PON3: variants seen among roughly 807,000 people sequenced by gnomAD.
The protein encoded by PON3 is serum paraoxonase/lactonase 3.
Under a neutral mutation model 36.3 loss-of-function variants are expected in PON3, and 37 were observed. That is an observed-to-expected ratio of 1.02 (90% CI 0.78 to 1.34). The LOEUF (loss-of-function observed/expected upper bound fraction) is 1.34. Among genes scored for constraint, PON3 ranks in the 40% most tolerant of loss-of-function variants. The pLI is 0.00. For synonymous variants in PON3, 155 were observed against 154.8 expected, an observed-to-expected ratio of 1.00 and a Z score of -0.01; for missense variants, 415 against 426.5, an observed-to-expected ratio of 0.97 and a Z score of 0.24.
chr7:95,387,878 G>C (rs1245310845), intron 3 of PON3, among the ~76,000 whole-genome samples: 2 of 152,120 alleles, frequency 1.3e-5, no homozygotes, highest in African/African-American at 4.8e-5. Context: ...AACAAGCAAT[G>C]GGAAAATGAT....
At position 95,359,935 on chromosome 7, in the gene PON3, T is replaced by C; in HGVS notation, c.*38A>G. ...CAATTATCAGTTTACTTTTACAAAA[T>C]ATGTAGACTTTTTTTTTTTTTTTTT... On this transcript the variant is annotated 3_prime_UTR_variant, in exon 9 of 9. Coordinates refer to ENST00000265627, the MANE Select transcript of PON3 (RefSeq NM_000940.3). 6.3e-7 allele frequency: 1 copy of C among 1,576,514 alleles called. No homozygotes were observed.
In PON3 at chr7:95,394,877, TG is replaced by T. The variant is rs17885341; in HGVS notation, c.75-164del. On this transcript the variant is annotated intron_variant, in intron 1 of 8. Transcript: ENST00000265627. ...CTTCCTTTCATGTTTATTTACATAA[TG>T]TAGACATTATGTGGGTATTTTACCT... The T allele has an allele frequency of 0.058, 39,801 of 687,900 alleles. 1,780 individuals carry two copies. The highest frequency in any genetic ancestry group is 0.19 in the African/African-American group (10,479 of 56,618). 42.6% of individuals were successfully genotyped at this position (687,900 alleles called of 1,614,324 possible).
chr7:95,378,669 A>AGGAGAAAT (rs1174904438), intron 3 of PON3, among the ~76,000 whole-genome samples: 1 of 152,220 alleles, frequency 6.6e-6, no homozygotes, highest in Admixed American at 6.5e-5. Flanking sequence ...TCATAAGTGA[A>AGGAGAAAT]GGAGAAATAA....
intron 2 of PON3, among the ~76,000 whole-genome samples, chr7:95,390,784 T>A (rs1809301228): frequency 6.6e-6 from 1 of 152,156 alleles, no homozygotes; most frequent in East Asian, 1.9e-4. Context: ...TAAGAGCTAG[T>A]TTTCAGCATT....
At chr7:95,383,333 G>C (rs1809108213) in intron 3 of PON3, among the ~76,000 whole-genome samples, 2 of 152,174 alleles carry the variant, frequency 1.3e-5, no homozygotes, top group African/African-American at 4.8e-5. Context: ...ATTCTACATA[G>C]TGTTGGAAGT....
chr7:95,386,829 A>G lies in PON3; in HGVS notation c.201+3325T>C, dbSNP rs138553991. ...ATCCCAGAGATGCAAGGCTGGTTCA[A>G]CATACACAAATCAATAAATGTAATC... On this transcript the variant is annotated intron_variant, in intron 3 of 8. Coordinates refer to ENST00000265627, the MANE Select transcript of PON3 (RefSeq NM_000940.3). 4.6e-3 allele frequency among the ~76,000 whole-genome samples: 697 copies of G among 152,320 alleles called. 6 individuals are homozygous for G. Among genetic ancestry groups the G allele is most frequent in the African/African-American group, 0.015 (628 of 41,562 alleles).
At chr7:95,394,884 A>C (rs570213171) in intron 1 of PON3, 170 bp from the exon 2 acceptor site, 26 of 673,890 alleles carry the variant, frequency 3.9e-5, no homozygotes, top group Non-Finnish European at 7.0e-5. Flanking sequence ...TAATGTAGAC[A>C]TTATGTGGGT....
At chr7:95,384,933 G>A (rs1307314931) in intron 3 of PON3, among the ~76,000 whole-genome samples, 1 of 152,182 alleles carries the variant, frequency 6.6e-6, no homozygotes, top group Admixed American at 6.5e-5. Flanking sequence ...ACTCACAATA[G>A]CAAAGACTTG....
In PON3 at chr7:95,379,623, G is replaced by C. The variant is rs374686914; in HGVS notation, c.202-7285C>G. On this transcript the variant is annotated intron_variant, in intron 3 of 8. Coordinates refer to ENST00000265627, the MANE Select transcript of PON3 (RefSeq NM_000940.3). Reference sequence around the variant, plus strand: ...GCTCATTGCTAGCACAGCAGTTTGAGATCGAACTGCAAGGGAGCAGCGAGG... The same window carrying C: ...GCTCATTGCTAGCACAGCAGTTTGACATCGAACTGCAAGGGAGCAGCGAGG... Among the ~76,000 whole-genome samples, 50 of 152,362 alleles carry C rather than the reference G, an allele frequency of 3.3e-4. 1 individual carries two copies. The South Asian group carries it at 0.01, about 31-fold the overall frequency.
chr7:95,381,622 G>T (rs1424240732), intron 3 of PON3, among the ~76,000 whole-genome samples: 1 of 152,154 alleles, frequency 6.6e-6, no homozygotes, highest in Non-Finnish European at 1.5e-5. Context: ...TTAAACAATG[G>T]TAGAGGGATC....
In PON3 at chr7:95,359,998, T is replaced by A; in HGVS notation, c.1040A>T (p.His347Leu). The stretch of plus-strand genomic sequence containing the variant: ...CTAGAGCTCACAGTACAGAGTTTTG[T>A]GAAATACGGTGCCTATGAGAATTTT... The part of the protein sequence containing the change: ...HGKILIGTVF[H>L]KTLYCEL Residue 347 changes from histidine (H) to leucine (L), a missense_variant, in exon 9 of 9, where the codon CAC (histidine) becomes CTC (leucine). Physicochemically the swap from His to Leu is moderately conservative, Grantham distance 99. Coordinates refer to ENST00000265627, the MANE Select transcript of PON3 (RefSeq NM_000940.3). The A allele has an allele frequency of 6.2e-7, 1 of 1,613,492 alleles. No individual in the cohort carries two copies.
intron 3 of PON3, among the ~76,000 whole-genome samples, chr7:95,384,677 G>A (rs1000471986): frequency 8.5e-5 from 13 of 152,112 alleles, no homozygotes; most frequent in African/African-American, 2.2e-4. Context: ...TTAGAATGAC[G>A]ATCATTAAAA....
intron 3 of PON3, among the ~76,000 whole-genome samples, chr7:95,381,692 G>C (rs1809058399): frequency 6.6e-6 from 1 of 152,138 alleles, no homozygotes; most frequent in Admixed American, 6.5e-5. Flanking sequence ...GGAGCACCCA[G>C]ATTCATAAAG....
At chr7:95,382,998 T>A (rs112659284) in intron 3 of PON3, among the ~76,000 whole-genome samples, 1 of 152,154 alleles carries the variant, frequency 6.6e-6, no homozygotes, top group African/African-American at 2.4e-5. Context: ...AAAAAGCTTA[T>A]GCACCAAGAT....
At chr7:95,377,491 A>G (rs753305503) in intron 3 of PON3, 7 of 338,586 alleles carry the variant, frequency 2.1e-5, no homozygotes, top group African/African-American at 1.1e-4. Flanking sequence ...ACACCCATGT[A>G]GCCTGACTGG....
intron 2 of PON3, among the ~76,000 whole-genome samples, chr7:95,391,858 C>CAAT (rs1809326431): frequency 6.6e-6 from 1 of 152,136 alleles, no homozygotes; most frequent in Non-Finnish European, 1.5e-5. Flanking sequence ...TCCACTGTTG[C>CAAT]AATACTTTCC....
At position 95,367,429 on chromosome 7, in the gene PON3, A is replaced by G. The variant is rs141350740; in HGVS notation, c.427T>C (p.Phe143Leu). Reference protein sequence around the residue: ...HPHMKSTVEIFKFEEQQRSLV... With the variant: ...HPHMKSTVEILKFEEQQRSLV... ...GAACGTTGTTGTTCCTCAAATTTAA[A>G]TATCTCCACAGTGGACTTCATGTGG... is the stretch of plus-strand genomic sequence containing the variant. Residue 143 changes from phenylalanine to leucine, a missense_variant, in exon 5 of 9, where the codon TTT becomes CTT. Transcript: ENST00000265627. 4.4e-4 allele frequency: 715 copies of G among 1,612,912 alleles called. 5 individuals are homozygous for G. The East Asian group carries it at 0.014, about 32-fold the overall frequency.
At position 95,359,944 on chromosome 7, in the gene PON3, T is replaced by A; in HGVS notation, c.*29A>T. 2 of 151,486 alleles carry A rather than the reference T, an allele frequency of 1.3e-5. No individual in the cohort carries two copies. 9.4% of individuals were successfully genotyped at this position (151,486 alleles called of 1,614,324 possible). ...GTTTACTTTTACAAAATATGTAGAC[T>A]TTTTTTTTTTTTTTTTACTATCTAG... is the stretch of plus-strand genomic sequence containing the variant. On this transcript the variant is annotated 3_prime_UTR_variant, in exon 9 of 9. Transcript: ENST00000265627.
At chr7:95,396,185 A>G in intron 1 of PON3, 92 bp downstream of exon 1, 3 of 1,391,894 alleles carry the variant, frequency 2.2e-6, no homozygotes, top group Admixed American at 1.7e-5. Context: ...GCTCTTTCCT[A>G]CCCGCTAGGA....
Sources: allele counts gnomAD v4.1 joint callset (sites outside exome capture counted in the v4.1 genomes callset), GRCh38; gene constraint gnomAD v4.1.1; transcripts MANE v1.5; gene names NCBI Gene and HGNC (gene_info 2026-07-23, HGNC 2026-07-21).